The following PCBP3 variants were observed in gnomAD, a reference collection of about 807,000 sequenced individuals.
The protein encoded by PCBP3 is poly(rC)-binding protein 3.
Under a neutral mutation model 52.7 loss-of-function variants are expected in PCBP3, and 25 were observed. That is an observed-to-expected ratio of 0.47 (90% confidence interval 0.35 to 0.66). The LOEUF is 0.66. Among genes scored for constraint, PCBP3 ranks in the 30% least tolerant of loss-of-function variants. The probability of loss-of-function intolerance (pLI) is 0.01; values close to 1 mark genes in which losing one functional copy is unlikely to be tolerated. For missense variants in PCBP3, 391 were observed against 490.3 expected (o/e 0.80, Z 1.91); for synonymous variants, 162 against 183.0 (o/e 0.89, Z 0.93).
chr21:45,646,241 T>G (rs2079304779), intron 1 of PCBP3, among the ~76,000 whole-genome samples: 1 of 152,038 alleles, frequency 6.6e-6, no homozygotes, highest in Non-Finnish European at 1.5e-5. Flanking sequence ...AGGGAAATTA[T>G]GTTGAATGGG....
At chr21:45,645,838 A>G (rs1026951330) in intron 1 of PCBP3, among the ~76,000 whole-genome samples, 1 of 152,182 alleles carries the variant, frequency 6.6e-6, no homozygotes, top group Admixed American at 6.5e-5. Flanking sequence ...AGTAGATGTA[A>G]GTTGTGTATC....
chr21:45,659,089 A>T (rs574820896), intron 1 of PCBP3, among the ~76,000 whole-genome samples: 73 of 100,718 alleles, frequency 7.2e-4, no homozygotes, highest in African/African-American at 1.7e-3. Flanking sequence ...GTCTTTTTTT[A>T]AAAAAAAAAC....
chr21:45,659,337 CTTTTTT>C lies in PCBP3; in HGVS notation c.-278-9519_-278-9514del, dbSNP rs36113182. 2.2e-3 allele frequency among the ~76,000 whole-genome samples: 170 copies of C among 78,742 alleles called. 1 individual carries two copies. Among genetic ancestry groups the C allele is most frequent in the Middle Eastern group, 0.016 (1 of 64 alleles). The allele number at this position is 78,742 out of a possible 152,430, so 51.7% of individuals were successfully genotyped here. A position where few individuals can be genotyped will look rare whatever the true frequency, so the allele number is the denominator to read the frequency against. On this transcript the variant is annotated intron_variant, in intron 1 of 17. Transcript: ENST00000681687. Reference sequence around the variant, plus strand: ...ATATGTTGTGCTTTCTTTTACTTTCCTTTTTTTTTTTTTTTTTTTTTTTGAGACAGG... The same window carrying C: ...ATATGTTGTGCTTTCTTTTACTTTCCTTTTTTTTTTTTTTTTTGAGACAGG...
At position 45,910,772 on chromosome 21, in the gene PCBP3, G is replaced by A. The variant is rs187011416; in HGVS notation, c.472-130G>A. On this transcript the variant is annotated intron_variant, in intron 10 of 17. Transcript: ENST00000681687. ...AGTGCTGGGATGGCGGTGGGGGAGG[G>A]GGCGCGTGGGCTGTATGCAGGTTTC... 360 of 815,500 alleles carry A rather than the reference G, an allele frequency of 4.4e-4. 1 individual carries two copies. In the African/African-American group the frequency reaches 5.7e-3, roughly 13 times the overall value. 50.5% of individuals were successfully genotyped at this position (815,500 alleles called of 1,614,324 possible).
At chr21:45,771,079 G>A (rs750512194) in intron 4 of PCBP3, among the ~76,000 whole-genome samples, 3 of 152,260 alleles carry the variant, frequency 2.0e-5, no homozygotes, top group East Asian at 1.9e-4. Context: ...TGTCCTGGCC[G>A]GAAGGCCTGC....
Position 45,932,429 on chromosome 21 carries a change from C to G in PCBP3, c.856+1584C>G, listed in dbSNP as rs552744986. ...GCCGTCCTGAGATGAATGAACACAT[C>G]GGCCATGCTGTCCTGAGATGAACAA... On this transcript the variant is annotated intron_variant, in intron 15 of 17. Transcript: ENST00000681687. Among the ~76,000 whole-genome samples the G allele has an allele frequency of 2.0e-5, 3 of 147,104 alleles. No homozygotes were observed. In the East Asian group the frequency reaches 6.3e-4, roughly 31 times the overall value.
At chr21:45,852,321 A>C (rs1183589277) in intron 5 of PCBP3, among the ~76,000 whole-genome samples, 1 of 152,122 alleles carries the variant, frequency 6.6e-6, no homozygotes, top group African/African-American at 2.4e-5. Flanking sequence ...AATTTCCCCA[A>C]AGCCTTCAGA....
chr21:45,743,235 A>G lies in PCBP3; in HGVS notation c.-162+7806A>G, dbSNP rs371258985. Among the ~76,000 whole-genome samples the G allele has an allele frequency of 4.6e-5, 7 of 152,334 alleles. No individual in the cohort carries two copies. The East Asian group carries it at 1.3e-3, about 29-fold the overall frequency. ...ATATAGGAAAACTATCAGTTTTTAT[A>G]TATTTGAATGTGGTCACATGTTAAA... On this transcript the variant is annotated intron_variant, in intron 3 of 17. Coordinates refer to ENST00000681687, the MANE Select transcript of PCBP3 (RefSeq NM_001384156.1).
chr21:45,918,429 G>A lies in PCBP3; in HGVS notation c.717+800G>A, dbSNP rs1237616502. On this transcript the variant is annotated intron_variant, in intron 13 of 17. Coordinates refer to ENST00000681687, the MANE Select transcript of PCBP3 (RefSeq NM_001384156.1). ...AGAAGTTACTCTCAGATAAACCGTC[G>A]GTGTAATTCCAGTGCTGGAGGAAGA... 3 of 76,606 alleles carry A rather than the reference G, an allele frequency of 3.9e-5. 1 individual carries two copies. The East Asian group carries it at 6.7e-4, about 17-fold the overall frequency. 4.7% of individuals were successfully genotyped at this position (76,606 alleles called of 1,614,324 possible). A position where few individuals can be genotyped will look rare whatever the true frequency, so the allele number is the denominator to read the frequency against.
chr21:45,807,784 G>T (rs2092555995), intron 4 of PCBP3, among the ~76,000 whole-genome samples: 1 of 151,632 alleles, frequency 6.6e-6, no homozygotes, highest in South Asian at 2.1e-4. Context: ...GAGGCATCAT[G>T]CTACCTGACT....
chr21:45,914,087 C>T lies in PCBP3; in HGVS notation c.675+62C>T, dbSNP rs547519691. ...CTCAGCCTTTTACTGCAGCACCCGC[C>T]GCTGCCCGTTAGTGCACTCAGGTTT... On this transcript the variant is annotated intron_variant, in intron 12 of 17. Coordinates refer to ENST00000681687, the MANE Select transcript of PCBP3 (RefSeq NM_001384156.1). 4.7e-5 allele frequency: 75 copies of T among 1,611,326 alleles called. No homozygotes were observed. The Admixed American group carries it at 5.2e-4, about 11-fold the overall frequency.
intron 4 of PCBP3, chr21:45,828,973 G>A (rs528473931): frequency 6.6e-6 from 1 of 152,336 alleles, no homozygotes; most frequent in South Asian, 2.1e-4. Context: ...TGGACAGAAG[G>A]TGTTGTGTCT....
chr21:45,743,941 C>CT (rs2086637230), intron 3 of PCBP3, among the ~76,000 whole-genome samples: 1 of 152,042 alleles, frequency 6.6e-6, no homozygotes, highest in African/African-American at 2.4e-5. Flanking sequence ...TAGAATTCGT[C>CT]TATCAAAGCT....
chr21:45,725,073 A>G (rs1241738350), intron 2 of PCBP3, among the ~76,000 whole-genome samples: 4 of 152,160 alleles, frequency 2.6e-5, no homozygotes, highest in African/African-American at 9.7e-5. Context: ...TTTTAAAAAT[A>G]TCTTTCTTAT....
At position 45,935,260 on chromosome 21, in the gene PCBP3, C is replaced by T. The variant is rs756981071; in HGVS notation, c.864C>T (p.Asp288=). The part of the protein sequence containing the change: ...QNLMGQSSGL[D]ASPPASTHEL... ...TCCCCTTGGTATACCCAGGTCTGGA[C>T]GCCAGCCCACCGGCCAGCACTCATG... Residue 288 remains aspartate, a synonymous_variant, in exon 16 of 18, where the codon GAC becomes GAT. Coordinates refer to ENST00000681687, the MANE Select transcript of PCBP3 (RefSeq NM_001384156.1). The T allele has an allele frequency of 6.1e-5, 98 of 1,611,542 alleles. No individual in the cohort carries two copies. The highest frequency in any genetic ancestry group is 1.7e-4 in the Admixed American group (10 of 59,986).
intron 5 of PCBP3, among the ~76,000 whole-genome samples, chr21:45,856,754 G>A (rs1192473079): frequency 6.6e-6 from 1 of 152,202 alleles, no homozygotes; most frequent in Non-Finnish European, 1.5e-5. Flanking sequence ...GCAGCCCTCA[G>A]GAGGTCCTGA....
intron 2 of PCBP3, among the ~76,000 whole-genome samples, chr21:45,718,266 C>A (rs904226598): frequency 1.3e-4 from 19 of 150,758 alleles, no homozygotes; most frequent in African/African-American, 4.6e-4. Context: ...TTTCAAGAAA[C>A]TAACTTTTGG....
At position 45,900,932 on chromosome 21, in the gene PCBP3, G is replaced by A. The variant is rs866510988; in HGVS notation, c.223-65G>A. Reference sequence around the variant, plus strand: ...TTGTGTCAATTGTCAACGGACTTGCGGCCCCCGACCCACTGGCCCAAGGGT... The same window carrying A: ...TTGTGTCAATTGTCAACGGACTTGCAGCCCCCGACCCACTGGCCCAAGGGT... On this transcript the variant is annotated intron_variant, in intron 8 of 17. Transcript: ENST00000681687. The A allele has an allele frequency of 3.7e-5, 42 of 1,129,408 alleles. No homozygotes were observed. In the Middle Eastern group the frequency reaches 9.8e-4, roughly 26 times the overall value. The allele number at this position is 1,129,408 out of a possible 1,614,324, so 70.0% of individuals were successfully genotyped here. A position where few individuals can be genotyped will look rare whatever the true frequency, so the allele number is the denominator to read the frequency against.
At chr21:45,912,607 C>G (rs2096419203) in intron 11 of PCBP3, among the ~76,000 whole-genome samples, 1 of 152,068 alleles carries the variant, frequency 6.6e-6, no homozygotes, top group Admixed American at 6.5e-5. Flanking sequence ...CACCCTGTAC[C>G]CAGTGCAGGG....
Sources: allele counts gnomAD v4.1 joint callset (sites outside exome capture counted in the v4.1 genomes callset), GRCh38; gene constraint gnomAD v4.1.1; transcripts MANE v1.5; gene names NCBI Gene and HGNC (gene_info 2026-07-23, HGNC 2026-07-21).